EFCAB8: variants seen among roughly 807,000 people sequenced by gnomAD.
EFCAB8 encodes EF-hand calcium-binding domain-containing protein 8.
A neutral mutation model predicts 116.3 loss-of-function variants in EFCAB8; 100 were observed. The observed-to-expected ratio is 0.86, with a 90% confidence interval of 0.73 to 1.02. The LOEUF (loss-of-function observed/expected upper bound fraction) is 1.02, where lower values mean the gene tolerates loss of function less well. EFCAB8 is among the 50% of genes least tolerant of loss of function. EFCAB8 has a pLI of 0.00. For missense variants in EFCAB8, 1,320 were observed against 1,416.9 expected, an observed-to-expected ratio of 0.93 and a Z score of 1.10; for synonymous variants, 558 against 567.9, an observed-to-expected ratio of 0.98 and a Z score of 0.25.
intron 14 of EFCAB8, 64 bp from the exon 15 acceptor site, chr20:32,909,757 A>G: frequency 1.2e-6 from 1 of 834,378 alleles, no homozygotes; most frequent in Non-Finnish European, 1.6e-6. Context: ...TTTTCCCGGC[A>G]GCCCATCACT....
intron 22 of EFCAB8, 55 bp downstream of exon 22, chr20:32,931,391 A>G (rs980824572): frequency 2.0e-5 from 29 of 1,460,196 alleles, no homozygotes; most frequent in Non-Finnish European, 2.4e-5. Flanking sequence ...CCCACAAATG[A>G]GCTAGGACCA....
At chr20:32,959,522 A>G (rs1168533239) in intron 24 of EFCAB8, among the ~76,000 whole-genome samples, 1 of 152,204 alleles carries the variant, frequency 6.6e-6, no homozygotes, top group Non-Finnish European at 1.5e-5. Flanking sequence ...ATAAAGCCAG[A>G]TCGGGTGTCA....
intron 5 of EFCAB8, among the ~76,000 whole-genome samples, chr20:32,882,413 C>T (rs768346637): frequency 3.3e-5 from 5 of 152,200 alleles, no homozygotes; most frequent in African/African-American, 1.2e-4. Flanking sequence ...CACACAGTTC[C>T]GGAATCAGTC....
intron 1 of EFCAB8, among the ~76,000 whole-genome samples, chr20:32,859,647 A>G (rs1217556895): frequency 1.3e-5 from 2 of 152,248 alleles, no homozygotes; most frequent in South Asian, 4.1e-4. Flanking sequence ...CCCTTTGTCC[A>G]GATAGACTAA....
intron 22 of EFCAB8, among the ~76,000 whole-genome samples, chr20:32,936,043 A>AT (rs1213180050): frequency 6.7e-6 from 1 of 149,790 alleles, no homozygotes; most frequent in Non-Finnish European, 1.5e-5. Flanking sequence ...TTTATTTTTT[A>AT]TTTTTTTGAA....
chr20:32,902,648 A>G (rs1233692213), intron 11 of EFCAB8, among the ~76,000 whole-genome samples: 4 of 152,206 alleles, frequency 2.6e-5, no homozygotes, highest in Non-Finnish European at 5.9e-5. Context: ...CATGCAGTGC[A>G]ATGTACAGGC....
chr20:32,931,714 C>T (rs780847791), intron 22 of EFCAB8, among the ~76,000 whole-genome samples: 10 of 152,114 alleles, frequency 6.6e-5, no homozygotes, highest in Non-Finnish European at 1.0e-4. Context: ...GCTGAGATCG[C>T]GCCATTGCAT....
chr20:32,861,078 T>G (rs1984089807), intron 1 of EFCAB8, among the ~76,000 whole-genome samples: 1 of 152,176 alleles, frequency 6.6e-6, no homozygotes, highest in African/African-American at 2.4e-5. Flanking sequence ...GAAATCTCTC[T>G]TAGCTGCTGG....
intron 22 of EFCAB8, among the ~76,000 whole-genome samples, chr20:32,934,874 G>A (rs1048427185): frequency 1.4e-4 from 22 of 152,164 alleles, no homozygotes; most frequent in Admixed American, 4.6e-4. Context: ...ACCCAGTCTC[G>A]GATATGTCTT....
At chr20:32,868,379 C>T (rs1984528172) in intron 3 of EFCAB8, among the ~76,000 whole-genome samples, 1 of 152,166 alleles carries the variant, frequency 6.6e-6, no homozygotes, top group Non-Finnish European at 1.5e-5. Context: ...AGCATCTTTG[C>T]ATCTAGTGTC....
In EFCAB8 at chr20:32,961,220, G is replaced by T. The variant is rs1303177192; in HGVS notation, c.3478G>T (p.Asp1160Tyr). The T allele has an allele frequency of 1.3e-6, 2 of 1,551,900 alleles. No individual in the cohort carries two copies. The highest frequency in any genetic ancestry group is 3.9e-5 in the Admixed American group (2 of 51,004). ...QPDFLTSRGP[D>Y]QQDQHIRLVA... ...TGACTTCCTGACCAGCAGGGGCCCAGACCAGCAAGACCAGCACATCCGCCT... is the reference window on the plus strand; with the variant it reads ...TGACTTCCTGACCAGCAGGGGCCCATACCAGCAAGACCAGCACATCCGCCT... Residue 1160 changes from aspartate to tyrosine, a missense_variant, in exon 27 of 27, where the codon GAC becomes TAC. Coordinates refer to ENST00000400522, the MANE Select transcript of EFCAB8 (RefSeq NM_001143967.2).
chr20:32,861,110 T>C (rs1372529196), intron 1 of EFCAB8, among the ~76,000 whole-genome samples: 1 of 152,204 alleles, frequency 6.6e-6, no homozygotes, highest in Non-Finnish European at 1.5e-5. Flanking sequence ...ATCCTTCTGA[T>C]GTTTGGGTGA....
Position 32,867,763 on chromosome 20 carries a change from A to G in EFCAB8, c.208+16A>G. The G allele has an allele frequency of 6.5e-7, 1 of 1,549,154 alleles. No homozygotes were observed. Among genetic ancestry groups the G allele is most frequent in the South Asian group, 1.2e-5 (1 of 83,732 alleles). On this transcript the variant is annotated intron_variant, in intron 3 of 26. Coordinates refer to ENST00000400522, the MANE Select transcript of EFCAB8 (RefSeq NM_001143967.2). ...TCGACTGGAGGTAAGGCCGCTCTGT[A>G]GGCTCGGTTTTTGTGTGAGTTCTGC... is the stretch of plus-strand genomic sequence containing the variant.
At chr20:32,878,473 G>C (rs984867903) in intron 4 of EFCAB8, among the ~76,000 whole-genome samples, 1 of 151,962 alleles carries the variant, frequency 6.6e-6, no homozygotes, top group African/African-American at 2.4e-5. Context: ...GAGAGATGGG[G>C]TGGTGAGGGG....
At chr20:32,954,684 T>C (rs935180171) in intron 23 of EFCAB8, among the ~76,000 whole-genome samples, 2 of 152,242 alleles carry the variant, frequency 1.3e-5, no homozygotes, top group African/African-American at 4.8e-5. Flanking sequence ...CTTCAATTAA[T>C]TGTTGTGTAG....
intron 24 of EFCAB8, 70 bp from the exon 25 acceptor site, chr20:32,959,708 C>T (rs1304933753): frequency 8.3e-7 from 1 of 1,208,088 alleles, no homozygotes; most frequent in East Asian, 2.6e-5. Context: ...GAGAGGCTTT[C>T]AGGGTTTCTG....
intron 4 of EFCAB8, 70 bp downstream of exon 4, chr20:32,876,114 T>A: frequency 7.4e-7 from 1 of 1,349,558 alleles, no homozygotes; most frequent in East Asian, 2.5e-5. Flanking sequence ...GACCAGTTGG[T>A]GGGGCTGAAG....
intron 18 of EFCAB8, 147 bp downstream of exon 18, chr20:32,917,652 G>A (rs1295752970): frequency 1.1e-6 from 1 of 872,148 alleles, no homozygotes; most frequent in African/African-American, 1.7e-5. Flanking sequence ...TGGTTAGGTA[G>A]GTGGTAGTTT....
intron 10 of EFCAB8, 181 bp from the exon 11 acceptor site, chr20:32,898,312 G>A: frequency 3.6e-6 from 2 of 548,142 alleles, no homozygotes; most frequent in Non-Finnish European, 6.6e-6. Context: ...GATGGCCAGT[G>A]CTGGTCATAG....
Sources: allele counts gnomAD v4.1 joint callset (sites outside exome capture counted in the v4.1 genomes callset), GRCh38; gene constraint gnomAD v4.1.1; transcripts MANE v1.5; gene names NCBI Gene and HGNC (gene_info 2026-07-23, HGNC 2026-07-21).